The following HGS variants were observed in gnomAD, a reference collection of about 807,000 sequenced individuals.
HGS encodes the protein human growth factor-regulated tyrosine kinase substrate.
HGS carries 63 observed loss-of-function variants against 109.7 expected under a neutral mutation model. The ratio of observed to expected loss-of-function variants is 0.57; its 90% CI spans 0.47 to 0.71. The LOEUF (loss-of-function observed/expected upper bound fraction) is 0.71, where lower values mean the gene tolerates loss of function less well. Ranked by LOEUF, HGS falls within the 30% of genes least tolerant of loss-of-function variation. HGS has a pLI of 0.00. For synonymous variants in HGS, 546 were observed against 437.3 expected, an observed-to-expected ratio of 1.25 and a Z score of -3.10; for missense variants, 995 against 1,068.3, an observed-to-expected ratio of 0.93 and a Z score of 0.96.
At position 81,691,201 on chromosome 17, in the gene HGS, T is replaced by C; in HGVS notation, c.538-246T>C. The C allele has an allele frequency of 1.9e-6, 1 of 533,834 alleles. No individual in the cohort carries two copies. Among genetic ancestry groups the C allele is most frequent in the Admixed American group, 3.1e-5 (1 of 31,876 alleles). 33.1% of individuals were successfully genotyped at this position (533,834 alleles called of 1,614,324 possible). ...TTGTTTTATCAGCAGAATTGATGTG[T>C]ATTTTTTCCTTGCCCTTACTTTTAA... On this transcript the variant is annotated intron_variant, in intron 7 of 21. Transcript: ENST00000329138. The surrounding 1 kb of genome is among the most constrained non-coding windows in gnomAD (Gnocchi z 5.3).
At chr17:81,685,026 AG>A in intron 1 of HGS, 3 of 985,350 alleles carry the variant, frequency 3.0e-6, no homozygotes, top group Non-Finnish European at 3.6e-6. Context: ...GCCCCCCCAG[AG>A]GGGCCAGTTG....
At chr17:81,694,044 TAGTC>T in intron 11 of HGS, 79 bp downstream of exon 11, 1 of 1,289,330 alleles carries the variant, frequency 7.8e-7, no homozygotes, top group Non-Finnish European at 1.1e-6. Flanking sequence ...TGAGCTGATT[TAGTC>T]AGGTTGGTGG....
In HGS at chr17:81,690,127, G is replaced by A. The variant is rs186747821; in HGVS notation, c.416-55G>A. 4.4e-4 allele frequency: 701 copies of A among 1,575,636 alleles called. 5 individuals carry two copies. In the African/African-American group the frequency reaches 7.7e-3, roughly 17 times the overall value. The stretch of plus-strand genomic sequence containing the variant: ...TGCCGAGAGTGAGGAAGGGGCTCCC[G>A]GAAGTCTTGCAGGCCAGGTGGGAGC... On this transcript the variant is annotated intron_variant, in intron 5 of 21. Transcript: ENST00000329138.
rs759291155 is a variant in HGS, at chr17:81,693,559, G to C, written c.719G>C (p.Ser240Thr). ...TTELPPEYLT[S>T]PLSQQSQLPP... ...GAGCTGCCCCCCGAGTACCTGACCA[G>C]CCCCCTGTCTCAGCAGTCCCAGGTA... Residue 240 changes from serine to threonine, a missense_variant, in exon 9 of 22, where the codon AGC becomes ACC. Coordinates refer to ENST00000329138, the MANE Select transcript of HGS (RefSeq NM_004712.5). 1.2e-6 allele frequency: 2 copies of C among 1,612,190 alleles called. No individual in the cohort carries two copies. The highest frequency in any genetic ancestry group is 1.7e-5 in the Admixed American group (1 of 59,914).
intron 8 of HGS, chr17:81,692,470 A>C (rs1309367374): frequency 6.6e-6 from 1 of 152,194 alleles, no homozygotes; most frequent in Non-Finnish European, 1.5e-5. Context: ...CGCTGCCCGG[A>C]AAGTTCCTTT....
At chr17:81,690,071 C>A in intron 5 of HGS, 111 bp from the exon 6 acceptor site, 1 of 1,195,242 alleles carries the variant, frequency 8.4e-7, no homozygotes, top group Non-Finnish European at 1.2e-6. Flanking sequence ...GACACCTTCA[C>A]TTGGGTGCAC....
At chr17:81,688,956 G>T (rs1449927563) in intron 5 of HGS, 129 bp downstream of exon 5, 9 of 1,274,340 alleles carry the variant, frequency 7.1e-6, no homozygotes, top group Non-Finnish European at 8.8e-6. Flanking sequence ...GAGGGCGGTG[G>T]CCTGGAGCCA....
intron 11 of HGS, among the ~76,000 whole-genome samples, 181 bp from the exon 12 acceptor site, chr17:81,694,634 C>G (rs1315594408): frequency 6.6e-6 from 1 of 152,184 alleles, no homozygotes; most frequent in Admixed American, 6.5e-5. Flanking sequence ...CTGTGGAGTT[C>G]TAAGCATCTG....
At chr17:81,684,393 C>T in intron 1 of HGS, 1 of 327,888 alleles carries the variant, frequency 3.0e-6, no homozygotes, top group Non-Finnish European at 5.5e-6. Context: ...GGCCGATTTC[C>T]TCTTGACCGA....
chr17:81,691,094 AC>A lies in HGS; in HGVS notation c.538-348del, dbSNP rs2037056719. On this transcript the variant is annotated intron_variant, in intron 7 of 21. Coordinates refer to ENST00000329138, the MANE Select transcript of HGS (RefSeq NM_004712.5). This position sits in a 1 kb window ranked among gnomAD's most constrained non-coding sequence, Gnocchi z 5.3. Reference sequence around the variant, plus strand: ...ACCCTCGAGGCATCTTCACATCAAAACCCCCTCCAGGCTGGCAACCGGCAGT... The same window carrying A: ...ACCCTCGAGGCATCTTCACATCAAAACCCCTCCAGGCTGGCAACCGGCAGT... 1 of 435,988 alleles carries A rather than the reference AC, an allele frequency of 2.3e-6. No individual in the cohort carries two copies. The highest frequency in any genetic ancestry group is 4.2e-6 in the Non-Finnish European group (1 of 239,990). The allele number at this position is 435,988 out of a possible 1,614,324, so 27.0% of individuals were successfully genotyped here.
Position 81,685,751 on chromosome 17 carries a change from T to G in HGS, c.122+62T>G, listed in dbSNP as rs970570582. ...CAGCCGTGCACTAAGCTGGGCTCGC[T>G]TGGTGCCCGTTGGGTCTCCACGACG... On this transcript the variant is annotated intron_variant, in intron 2 of 21. Coordinates refer to ENST00000329138, the MANE Select transcript of HGS (RefSeq NM_004712.5). 1.4e-5 allele frequency: 18 copies of G among 1,285,922 alleles called. No individual in the cohort carries two copies. In the Admixed American group the frequency reaches 2.7e-4, roughly 20 times the overall value. The allele number at this position is 1,285,922 out of a possible 1,614,324, so 79.7% of individuals were successfully genotyped here. A position where few individuals can be genotyped will look rare whatever the true frequency, so the allele number is the denominator to read the frequency against.
Position 81,691,572 on chromosome 17 carries a change from G to T in HGS, c.662+1G>T. On this transcript the variant is annotated splice_donor_variant, in intron 8 of 21. Transcript: ENST00000329138. LOFTEE classifies it high-confidence loss of function. This position sits in a 1 kb window ranked among gnomAD's most constrained non-coding sequence, Gnocchi z 5.3. ...AGCCCTGCTACGAGCAGCTGAACAG[G>T]TGAGTCCCCGCCCCCCATTTGGGCT... 2 of 1,613,904 alleles carry T rather than the reference G, an allele frequency of 1.2e-6. No individual in the cohort carries two copies. Among genetic ancestry groups the T allele is most frequent in the Non-Finnish European group, 1.7e-6 (2 of 1,179,916 alleles).
chr17:81,684,184 C>T, intron 1 of HGS, 81 bp downstream of exon 1: 2 of 1,266,540 alleles, frequency 1.6e-6, no homozygotes, highest in Non-Finnish European at 2.1e-6. Flanking sequence ...GCCCCGAGGG[C>T]CCGAGGGGCG....
chr17:81,693,938 C>G lies in HGS; in HGVS notation c.909C>G (p.Pro303=). Reference sequence around the variant, plus strand: ...TGCCCTCGGCCTCCTCAGCGCCCCCCGCCAGCAGCCTGTACTCTTCACCTG... The same window carrying G: ...TGCCCTCGGCCTCCTCAGCGCCCCCGGCCAGCAGCCTGTACTCTTCACCTG... ...EPMPSASSAP[P]ASSLYSSPVN... Residue 303 remains proline (P), a synonymous_variant, in exon 11 of 22, where the codon CCC becomes CCG. Transcript: ENST00000329138. The G allele has an allele frequency of 1.9e-6, 3 of 1,611,344 alleles. No homozygotes were observed. The highest frequency in any genetic ancestry group is 2.5e-6 in the Non-Finnish European group (3 of 1,179,744).
intron 18 of HGS, among the ~76,000 whole-genome samples, chr17:81,699,799 G>A (rs535134391): frequency 3.9e-5 from 6 of 152,284 alleles, no homozygotes; most frequent in Admixed American, 2.0e-4. Context: ...ACTCCTGGCC[G>A]GGCGGTGGCT....
At chr17:81,689,847 T>C (rs574822840) in intron 5 of HGS, among the ~76,000 whole-genome samples, 1 of 152,278 alleles carries the variant, frequency 6.6e-6, no homozygotes, top group African/African-American at 2.4e-5. Context: ...CAAGGTCTTG[T>C]CCTCAGGATC....
chr17:81,684,948 G>A (rs2036951234), intron 1 of HGS: 2 of 985,304 alleles, frequency 2.0e-6, no homozygotes, highest in Admixed American at 6.2e-5. Flanking sequence ...AGTATAGAAA[G>A]TGGACGTGGC....
At chr17:81,684,504 C>T (rs1359985753) in intron 1 of HGS, 4 of 187,602 alleles carry the variant, frequency 2.1e-5, no homozygotes, top group Non-Finnish European at 3.3e-5. Flanking sequence ...AAACACTGGG[C>T]CTCGAAGGGT....
chr17:81,696,587 A>G lies in HGS; in HGVS notation c.1567-20A>G, dbSNP rs776072268. On this transcript the variant is annotated intron_variant, in intron 16 of 21. Coordinates refer to ENST00000329138, the MANE Select transcript of HGS (RefSeq NM_004712.5). ...GGCTGGGGGACCTCGCAGCATAACC[A>G]GCATGTTTTTGCCGCACAGGAGTAC... The G allele has an allele frequency of 5.7e-6, 9 of 1,579,252 alleles. No individual in the cohort carries two copies. Among genetic ancestry groups the G allele is most frequent in the East Asian group, 2.3e-5 (1 of 44,296 alleles).
Sources: allele counts gnomAD v4.1 joint callset (sites outside exome capture counted in the v4.1 genomes callset), GRCh38; gene constraint gnomAD v4.1.1; non-coding constraint Gnocchi (gnomAD v3.1); transcripts MANE v1.5; gene names NCBI Gene and HGNC (gene_info 2026-07-23, HGNC 2026-07-21).